ZFHX3: variants seen among roughly 807,000 people sequenced by gnomAD.
ZFHX3 encodes zinc finger homeobox 3.
A neutral mutation model predicts 279.1 loss-of-function variants in ZFHX3; 42 were observed. The observed-to-expected ratio is 0.15, with a 90% CI of 0.12 to 0.19. The LOEUF is 0.19. ZFHX3 is among the 10% of genes least tolerant of loss of function. The probability of loss-of-function intolerance (pLI) is 1.00; values close to 1 mark genes in which losing one functional copy is unlikely to be tolerated. For synonymous variants in ZFHX3, 2,293 were observed against 1,957.8 expected (o/e 1.17, Z -4.52); for missense variants, 4,981 against 4,754.0 (o/e 1.05, Z -1.40).
At position 73,690,408 on chromosome 16, in the gene ZFHX3, G is replaced by A. The variant is rs755904517; in HGVS notation, c.-1607-10168C>T. On this transcript the variant is annotated intron_variant, in intron 1 of 17. Transcript: ENST00000641206. ...GAAGAAAATTTCAAATCAATTTTGGGCCACATGCAATCCTGAGCTGCACAC... is the reference window on the plus strand; with the variant it reads ...GAAGAAAATTTCAAATCAATTTTGGACCACATGCAATCCTGAGCTGCACAC... 1.3e-4 allele frequency among the ~76,000 whole-genome samples: 20 copies of A among 152,122 alleles called. 1 individual carries two copies. Among genetic ancestry groups the A allele is most frequent in the Admixed American group, 1.3e-3 (20 of 15,270 alleles).
chr16:73,099,834 G>C (rs1432447038), intron 7 of ZFHX3, among the ~76,000 whole-genome samples: 1 of 152,068 alleles, frequency 6.6e-6, no homozygotes, highest in Non-Finnish European at 1.5e-5. Flanking sequence ...AGAGTCATCT[G>C]GGTCATCGAG....
upstream of ZFHX3, among the ~76,000 whole-genome samples, chr16:73,064,066 C>T (rs1016466859): frequency 1.3e-5 from 2 of 152,070 alleles, no homozygotes; most frequent in African/African-American, 2.4e-5. Context: ...ACGAGGATGG[C>T]ATTTAGGACG....
chr16:73,472,209 G>A (rs571442496), intron 2 of ZFHX3, among the ~76,000 whole-genome samples: 37 of 149,258 alleles, frequency 2.5e-4, no homozygotes, highest in Middle Eastern at 3.4e-3. Flanking sequence ...CCCCACAGCC[G>A]CCTGGAACAT....
intron 1 of ZFHX3, among the ~76,000 whole-genome samples, chr16:73,728,017 C>G (rs1206331315): frequency 1.1e-5 from 1 of 87,732 alleles, no homozygotes; most frequent in Non-Finnish European, 2.1e-5. Context: ...CGAATTGTGC[C>G]CCCCCCCCGC....
rs115398906 is a variant in ZFHX3 at position 73,227,640 on chromosome 16, C to T, written c.-1104+29407G>A. On this transcript the variant is annotated intron_variant, in intron 5 of 17. Transcript: ENST00000641206. The stretch of plus-strand genomic sequence containing the variant: ...GAGGCAGGTGGATTGATTGAGCTCA[C>T]GAGCCCGAGACCAGCCTGGGCAACA... Among the ~76,000 whole-genome samples the T allele has an allele frequency of 7.2e-3, 1,096 of 151,912 alleles. 5 individuals carry two copies. The highest frequency in any genetic ancestry group is 0.017 in the Middle Eastern group (5 of 294).
chr16:73,492,169 C>T (rs1220014289), intron 2 of ZFHX3, among the ~76,000 whole-genome samples: 1 of 152,160 alleles, frequency 6.6e-6, no homozygotes, highest in Non-Finnish European at 1.5e-5. Flanking sequence ...CATCTCCTGC[C>T]TCTGACTCCA....
chr16:72,948,511 T>G (rs1474015221), intron 3 of ZFHX3, among the ~76,000 whole-genome samples: 2 of 152,130 alleles, frequency 1.3e-5, no homozygotes, highest in African/African-American at 4.8e-5. Context: ...TGGACACAGT[T>G]TGGGGACCAA....
exon 1 of ZFHX3, chr16:73,058,868 A>AGCG (rs934867928): frequency 1.3e-4 from 17 of 129,076 alleles, no homozygotes; most frequent in South Asian, 4.4e-4. Context: ...ACGGAAGAGA[A>AGCG]GCGGCGGCGG....
Position 73,805,272 on chromosome 16 carries a change from G to A in ZFHX3, c.-1608+86379C>T, listed in dbSNP as rs1229879061. Among the ~76,000 whole-genome samples the A allele has an allele frequency of 4.6e-5, 7 of 152,042 alleles. No individual in the cohort carries two copies. In the East Asian group the frequency reaches 5.8e-4, roughly 13 times the overall value. The stretch of plus-strand genomic sequence containing the variant: ...TAACCTCCGCCTCCCAGGTTCAAGC[G>A]ATTCTCCTGCCTCAGCCTCCTAAGT... On this transcript the variant is annotated intron_variant, in intron 1 of 17. Transcript: ENST00000641206.
intron 2 of ZFHX3, among the ~76,000 whole-genome samples, chr16:73,623,411 ACT>A (rs2052386340): frequency 1.3e-5 from 2 of 151,840 alleles, no homozygotes; most frequent in South Asian, 4.2e-4. Flanking sequence ...AAACTTAAAG[ACT>A]CTTTCCAGCT....
rs565328625 is a variant in ZFHX3 at position 73,455,861 on chromosome 16, G to T, written c.-1291+142C>A. The T allele has an allele frequency of 4.6e-5, 7 of 151,832 alleles. 1 individual carries two copies. The Middle Eastern group carries it at 0.01, about 221-fold the overall frequency. 9.4% of individuals were successfully genotyped at this position (151,832 alleles called of 1,614,324 possible). A position where few individuals can be genotyped will look rare whatever the true frequency, so the allele number is the denominator to read the frequency against. On this transcript the variant is annotated intron_variant, in intron 3 of 17. Transcript: ENST00000641206. Reference sequence around the variant, plus strand: ...GCAATCCTTTCACCTGGGTTGGTACGCGCTCCCAGCATTATACCGATTTGT... The same window carrying T: ...GCAATCCTTTCACCTGGGTTGGTACTCGCTCCCAGCATTATACCGATTTGT...
intron 4 of ZFHX3, among the ~76,000 whole-genome samples, chr16:73,298,346 G>A (rs908321761): frequency 1.7e-4 from 26 of 151,692 alleles, no homozygotes; most frequent in Admixed American, 1.2e-3. Flanking sequence ...CACCATGCCC[G>A]GCTAATTTTG....
chr16:73,701,711 C>A (rs1423533433), intron 1 of ZFHX3, among the ~76,000 whole-genome samples: 1 of 152,176 alleles, frequency 6.6e-6, no homozygotes, highest in Non-Finnish European at 1.5e-5. Flanking sequence ...TTTTACCCTG[C>A]TACATAATTC....
At chr16:72,788,938 G>A (rs1274377856) in intron 9 of ZFHX3, 90 bp from the exon 10 acceptor site, 1 of 1,482,040 alleles carries the variant, frequency 6.7e-7, no homozygotes, top group African/African-American at 1.4e-5. Flanking sequence ...CTGGCACACA[G>A]TTTGAGATGT....
intron 3 of ZFHX3, among the ~76,000 whole-genome samples, chr16:73,325,272 C>T (rs554175580): frequency 6.6e-6 from 1 of 152,288 alleles, no homozygotes; most frequent in East Asian, 1.9e-4. Context: ...ATTTATGGGG[C>T]TCTACTATGG....
chr16:73,065,396 T>G (rs915486197), intron 8 of ZFHX3, among the ~76,000 whole-genome samples: 4 of 152,138 alleles, frequency 2.6e-5, no homozygotes, highest in Non-Finnish European at 5.9e-5. Context: ...ATCCCTTTTA[T>G]TTTTTGCTGA....
chr16:73,742,502 C>A (rs1177978444), intron 1 of ZFHX3, among the ~76,000 whole-genome samples: 1 of 152,116 alleles, frequency 6.6e-6, no homozygotes, highest in African/African-American at 2.4e-5. Flanking sequence ...AATATTAGTC[C>A]AGGGCAAATA....
chr16:72,797,385 A>G lies in ZFHX3; in HGVS notation c.5297T>C (p.Leu1766Pro), dbSNP rs888576200. The change falls in exon 9 of 10, where the codon CTG becomes CCG. Residue 1766 changes from leucine (L) to proline (P), a missense_variant. Transcript: ENST00000268489. The part of the protein sequence containing the change: ...LQQELQQQAA[L>P]IQSQLFNPTL... ...GGGGTTAAACAGCTGAGACTGGATC[A>G]GGGCAGCCTGTTGCTGCAGCTCCTG... is the stretch of plus-strand genomic sequence containing the variant. The G allele has an allele frequency of 3.1e-6, 5 of 1,606,154 alleles. No homozygotes were observed. Among genetic ancestry groups the G allele is most frequent in the Non-Finnish European group, 4.3e-6 (5 of 1,176,412 alleles).
chr16:73,068,652 C>CTGTGTCTG (rs1965785587), intron 8 of ZFHX3, among the ~76,000 whole-genome samples: 1 of 152,192 alleles, frequency 6.6e-6, no homozygotes, highest in African/African-American at 2.4e-5. Context: ...GAAGCTCAGA[C>CTGTGTCTG]AAGTTCCTTA....
Sources: gnomAD v4.1 joint callset for allele counts (sites outside exome capture counted in the v4.1 genomes callset) on GRCh38, gnomAD v4.1.1 for gene constraint, MANE v1.5 for transcripts, NCBI Gene and HGNC (gene_info 2026-07-23, HGNC 2026-07-21) for gene names.